BRCA2: variants seen among roughly 807,000 people sequenced by gnomAD.
The protein encoded by BRCA2 is breast cancer type 2 susceptibility protein.
BRCA2 carries 203 observed loss-of-function variants against 276.7 expected under a neutral mutation model. The ratio of observed to expected loss-of-function variants is 0.73; its 90% CI spans 0.65 to 0.82. The LOEUF (loss-of-function observed/expected upper bound fraction) is 0.82. Among genes scored for constraint, BRCA2 ranks in the 40% least tolerant of loss-of-function variants. The pLI is 0.00. For missense variants in BRCA2, 3,920 were observed against 3,915.0 expected (o/e 1.00, Z -0.03); for synonymous variants, 1,289 against 1,338.4 (o/e 0.96, Z 0.81).
intron 12 of BRCA2, among the ~76,000 whole-genome samples, chr13:32,344,929 G>A (rs2072601209): frequency 6.6e-6 from 1 of 152,120 alleles, no homozygotes; most frequent in South Asian, 2.1e-4. Flanking sequence ...TGGAAGATAT[G>A]AGTTCACTGA....
At chr13:32,342,659 A>G (rs1048442151) in intron 11 of BRCA2, among the ~76,000 whole-genome samples, 1 of 152,228 alleles carries the variant, frequency 6.6e-6, no homozygotes, top group Non-Finnish European at 1.5e-5. Flanking sequence ...CCTATACAGC[A>G]TGTTACTGTC....
At chr13:32,317,090 A>C (rs1196817943) in intron 2 of BRCA2, among the ~76,000 whole-genome samples, 1 of 152,066 alleles carries the variant, frequency 6.6e-6, no homozygotes, top group East Asian at 1.9e-4. Flanking sequence ...TCCCAGCTAC[A>C]CGGGAGGTGG....
chr13:32,388,673 T>TC (rs2072978074), intron 24 of BRCA2, among the ~76,000 whole-genome samples: 1 of 151,730 alleles, frequency 6.6e-6, no homozygotes. Flanking sequence ...TTTCTTTTTT[T>TC]TTTTTTGAGA....
chr13:32,374,876 A>G (rs955867388), intron 20 of BRCA2, among the ~76,000 whole-genome samples: 7 of 152,208 alleles, frequency 4.6e-5, no homozygotes, highest in African/African-American at 1.7e-4. Flanking sequence ...GGTAACAATT[A>G]TCTGTATTAG....
chr13:32,371,375 A>G (rs980065183), intron 20 of BRCA2, among the ~76,000 whole-genome samples: 2 of 151,972 alleles, frequency 1.3e-5, no homozygotes, highest in African/African-American at 4.8e-5. Flanking sequence ...ATTAGCTTTC[A>G]TGTGTTATTA....
intron 15 of BRCA2, among the ~76,000 whole-genome samples, chr13:32,357,192 G>A (rs1339516300): frequency 6.6e-6 from 1 of 152,186 alleles, no homozygotes; most frequent in Non-Finnish European, 1.5e-5. Flanking sequence ...CTGAAGCATA[G>A]AGAGGGTTAA....
In BRCA2 at chr13:32,319,337, A is replaced by G. The variant is rs186419778; in HGVS notation, c.316+12A>G. 6.5e-5 allele frequency: 104 copies of G among 1,604,840 alleles called. 2 individuals are homozygous for G. In the Admixed American group the frequency reaches 9.5e-4, roughly 15 times the overall value. ...CAAATTAGACTTAGGTAAGTAATGC[A>G]ATATGGTAGACTGGGGAGAACTACA... On this transcript the variant is annotated intron_variant, in intron 3 of 26. Transcript: ENST00000380152.
At chr13:32,327,066 A>G (rs530344977) in intron 7 of BRCA2, among the ~76,000 whole-genome samples, 4 of 152,364 alleles carry the variant, frequency 2.6e-5, no homozygotes, top group African/African-American at 4.8e-5. Context: ...TTACACAACT[A>G]TGTGATAAAC....
In BRCA2 at chr13:32,338,362, T is replaced by C. The variant is rs757305371; in HGVS notation, c.4007T>C (p.Phe1336Ser). The change falls in exon 11 of 27, where the codon TTT becomes TCT. Residue 1336 changes from phenylalanine to serine, a missense_variant. Transcript: ENST00000380152. ...AGTAGAAATTCTCATAACTTAGAATTTGATGGCAGTGATTCAAGTAAAAAT... is the reference window on the plus strand; with the variant it reads ...AGTAGAAATTCTCATAACTTAGAATCTGATGGCAGTGATTCAAGTAAAAAT... The part of the protein sequence containing the change: ...AASRNSHNLE[F>S]DGSDSSKNDT... The C allele has an allele frequency of 2.5e-6, 4 of 1,587,086 alleles. No homozygotes were observed. In the African/African-American group the frequency reaches 5.4e-5, roughly 22 times the overall value.
At position 32,339,394 on chromosome 13, in the gene BRCA2, C is replaced by A. The variant is rs1555284041; in HGVS notation, c.5039C>A (p.Ser1680Tyr). 6.3e-7 allele frequency: 1 copy of A among 1,595,878 alleles called. No homozygotes were observed. Among genetic ancestry groups the A allele is most frequent in the South Asian group, 1.1e-5 (1 of 87,090 alleles). The change falls in exon 11 of 27, where the codon TCT (serine) becomes TAT (tyrosine). Residue 1680 changes from serine to tyrosine, a missense_variant. This residue lies in a region of BRCA2 where 3,263 missense variants were observed against 3,156.9 expected (regional missense o/e 1.03). Transcript: ENST00000380152. Reference sequence around the variant, plus strand: ...TACACAAGTTGTAGTAGAAAAACTTCTGTGAGTCAGACTTCATTACTTGAA... The same window carrying A: ...TACACAAGTTGTAGTAGAAAAACTTATGTGAGTCAGACTTCATTACTTGAA... ...AFYTSCSRKT[S>Y]VSQTSLLEAK...
chr13:32,325,047 A>T (rs775484431), intron 3 of BRCA2, 29 bp from the exon 4 acceptor site: 12 of 1,437,460 alleles, frequency 8.3e-6, no homozygotes, highest in African/African-American at 1.4e-5. Context: ...GAGTATATAC[A>T]TTCTCACTGA....
Position 32,338,175 on chromosome 13 carries a change from A to C in BRCA2, c.3820A>C (p.Lys1274Gln). 6.3e-7 allele frequency: 1 copy of C among 1,575,604 alleles called. No homozygotes were observed. The highest frequency in any genetic ancestry group is 1.2e-5 in the South Asian group (1 of 84,948). Residue 1274 changes from lysine (K) to glutamine (Q), a missense_variant, in exon 11 of 27, where the codon AAG (lysine) becomes CAG (glutamine). Lys to Gln is a moderately conservative substitution (Grantham distance 53). Transcript: ENST00000380152. ...TCATGATTCTGTTGTTTCAATGTTTAAGATAGAAAATCATAATGATAAAAC... is the reference window on the plus strand; with the variant it reads ...TCATGATTCTGTTGTTTCAATGTTTCAGATAGAAAATCATAATGATAAAAC... ...KCHDSVVSMF[K>Q]IENHNDKTVS...
intron 24 of BRCA2, among the ~76,000 whole-genome samples, chr13:32,392,247 T>G (rs2073001941): frequency 6.6e-6 from 1 of 152,170 alleles, no homozygotes; most frequent in Admixed American, 6.5e-5. Flanking sequence ...GATACATAAT[T>G]CTCAGAGTAA....
Position 32,337,965 on chromosome 13 carries a change from GCTT to G in BRCA2, c.3613_3615del (p.Ser1205del), listed in dbSNP as rs1593899992. ...GTTGAAAAATGACTGTAACAAAAGT[GCTT>G]CTGGTTATTTAACAGATGAAAATGA... On this transcript the variant is annotated inframe_deletion, in exon 11 of 27. Transcript: ENST00000380152. 1 of 1,613,852 alleles carries G rather than the reference GCTT, an allele frequency of 6.2e-7. No homozygotes were observed.
Position 32,340,293 on chromosome 13 carries a change from A to C in BRCA2, c.5938A>C (p.Thr1980Pro), listed in dbSNP as rs55877890. ...SSANTCGIFS[T>P]ASGKSVQVSD... The stretch of plus-strand genomic sequence containing the variant: ...TGCAAATACTTGTGGGATTTTTAGC[A>C]CAGCAAGTGGAAAATCTGTCCAGGT... The change falls in exon 11 of 27, where the codon ACA (threonine) becomes CCA (proline). Residue 1980 changes from threonine to proline, a missense_variant. Transcript: ENST00000380152. 4 of 1,613,972 alleles carry C rather than the reference A, an allele frequency of 2.5e-6. No homozygotes were observed. Among genetic ancestry groups the C allele is most frequent in the Non-Finnish European group, 3.4e-6 (4 of 1,179,878 alleles).
rs587780648 is a variant in BRCA2 at position 32,319,276 on chromosome 13, G to A, written c.267G>A (p.Pro89=). 40 of 1,613,678 alleles carry A rather than the reference G, an allele frequency of 2.5e-5. No individual in the cohort carries two copies. Among genetic ancestry groups the A allele is most frequent in the Admixed American group, 3.3e-5 (2 of 60,002 alleles). The part of the protein sequence containing the change: ...IIFKEQGLTL[P]LYQSPVKELD... ...TCAAAGAGCAAGGGCTGACTCTGCC[G>A]CTGTACCAATCTCCTGTAAAAGAAT... Residue 89 remains proline (P), a synonymous_variant, in exon 3 of 27, where the codon CCG becomes CCA. Transcript: ENST00000380152.
At chr13:32,343,272 T>G (rs944966055) in intron 11 of BRCA2, among the ~76,000 whole-genome samples, 2 of 152,192 alleles carry the variant, frequency 1.3e-5, no homozygotes, top group Non-Finnish European at 2.9e-5. Flanking sequence ...AATCTGTTTG[T>G]TAGTTGCAAT....
At position 32,391,631 on chromosome 13, in the gene BRCA2, A is replaced by C. The variant is rs774123051; in HGVS notation, c.9257-3058A>C. On this transcript the variant is annotated intron_variant, in intron 24 of 26. Coordinates refer to ENST00000380152, the MANE Select transcript of BRCA2 (RefSeq NM_000059.4). Reference sequence around the variant, plus strand: ...GGTTTTATAAATTGCTAAGTCCTTTATTGTTTCAGTGACATTTTCTAAAAG... The same window carrying C: ...GGTTTTATAAATTGCTAAGTCCTTTCTTGTTTCAGTGACATTTTCTAAAAG... 1.4e-4 allele frequency among the ~76,000 whole-genome samples: 21 copies of C among 152,314 alleles called. 1 individual carries two copies. Among genetic ancestry groups the C allele is most frequent in the Admixed American group, 8.5e-4 (13 of 15,294 alleles).
rs397838402 is a variant in BRCA2, at chr13:32,395,960, C to CTTTTTT, written c.9502-915_9502-910dup. On this transcript the variant is annotated intron_variant, in intron 25 of 26. Transcript: ENST00000380152. ...CCACATTTTCTTTTTTTCTTTCTTT[C>CTTTTTT]TTTTTTTTTTTTTTTTTTTTTTTTT... 3.2e-3 allele frequency: 251 copies of CTTTTTT among 79,178 alleles called. 11 individuals carry two copies. Among genetic ancestry groups the CTTTTTT allele is most frequent in the African/African-American group, 4.8e-3 (54 of 11,152 alleles). 4.9% of individuals were successfully genotyped at this position (79,178 alleles called of 1,614,324 possible). A position where few individuals can be genotyped will look rare whatever the true frequency, so the allele number is the denominator to read the frequency against.
Sources: allele counts gnomAD v4.1 joint callset (sites outside exome capture counted in the v4.1 genomes callset), GRCh38; gene constraint gnomAD v4.1.1; regional missense constraint gnomAD v4.1.1; transcripts MANE v1.5; gene names NCBI Gene and HGNC (gene_info 2026-07-23, HGNC 2026-07-21).